CDK14: variants seen among roughly 807,000 people sequenced by gnomAD.
CDK14 encodes cyclin dependent kinase 14, also known as cyclin-dependent kinase 14.
Under a neutral mutation model 60.7 loss-of-function variants are expected in CDK14, and 34 were observed. The observed-to-expected ratio is 0.56, with a 90% confidence interval of 0.43 to 0.75. The LOEUF (loss-of-function observed/expected upper bound fraction) is 0.75, where lower values mean the gene tolerates loss of function less well. CDK14 is among the 30% of genes least tolerant of loss of function. The pLI, the probability that CDK14 is intolerant of heterozygous loss-of-function variation, is 0.00. For missense variants in CDK14, 482 were observed against 564.1 expected, an observed-to-expected ratio of 0.85 and a Z score of 1.47; for synonymous variants, 197 against 203.7, an observed-to-expected ratio of 0.97 and a Z score of 0.28.
At chr7:90,851,825 A>G (rs1047614659) in intron 5 of CDK14, among the ~76,000 whole-genome samples, 5 of 150,292 alleles carry the variant, frequency 3.3e-5, no homozygotes, top group Non-Finnish European at 7.4e-5. Flanking sequence ...TAATTTATTT[A>G]TTATTATTAT....
intron 5 of CDK14, among the ~76,000 whole-genome samples, chr7:90,831,161 T>C (rs972459156): frequency 1.3e-5 from 2 of 152,184 alleles, no homozygotes; most frequent in Non-Finnish European, 2.9e-5. Flanking sequence ...ATTAGTTCAT[T>C]TTCACACTGC....
At chr7:90,868,461 A>G (rs1410940559) in intron 6 of CDK14, among the ~76,000 whole-genome samples, 1 of 152,030 alleles carries the variant, frequency 6.6e-6, no homozygotes, top group Non-Finnish European at 1.5e-5. Context: ...TCATTTGCAT[A>G]TCAGTCATAC....
chr7:90,887,955 A>G (rs1792002249), intron 6 of CDK14, among the ~76,000 whole-genome samples: 1 of 152,162 alleles, frequency 6.6e-6, no homozygotes, highest in African/African-American at 2.4e-5. Context: ...AAGAGTTTGA[A>G]AATTATGATT....
intron 13 of CDK14, among the ~76,000 whole-genome samples, chr7:91,113,806 A>G (rs539440350): frequency 1.3e-5 from 2 of 152,146 alleles, no homozygotes; most frequent in East Asian, 1.9e-4. Context: ...GGGTATTTCT[A>G]TCCTAAATCT....
intron 2 of CDK14, among the ~76,000 whole-genome samples, chr7:90,649,382 CTTCCTTCCTTCCTTCTTTCTTTCT>C (rs1800567907): frequency 6.8e-5 from 4 of 59,118 alleles, no homozygotes; most frequent in African/African-American, 3.2e-4. Flanking sequence ...TCCTTCCTTC[CTTCCTTCCTTCCTTCTTTCTTTCT>C]TTCTTTCTTT....
At chr7:90,914,588 T>C (rs980679513) in intron 7 of CDK14, among the ~76,000 whole-genome samples, 7 of 152,208 alleles carry the variant, frequency 4.6e-5, no homozygotes, top group African/African-American at 1.7e-4. Flanking sequence ...GCTGTATTTG[T>C]CATGTTTGGG....
At chr7:90,959,409 G>T (rs1794531865) in intron 9 of CDK14, among the ~76,000 whole-genome samples, 2 of 152,112 alleles carry the variant, frequency 1.3e-5, no homozygotes, top group Non-Finnish European at 2.9e-5. Context: ...TTTCCAGTTA[G>T]AAGTTCACAG....
intron 14 of CDK14, among the ~76,000 whole-genome samples, chr7:91,189,787 T>C (rs1485066489): frequency 6.6e-6 from 1 of 152,258 alleles, no homozygotes; most frequent in Non-Finnish European, 1.5e-5. Flanking sequence ...TGTTCTACTG[T>C]GTTTCAAAAA....
intron 4 of CDK14, among the ~76,000 whole-genome samples, chr7:90,754,980 G>A (rs1232848514): frequency 6.6e-6 from 1 of 152,158 alleles, no homozygotes; most frequent in Non-Finnish European, 1.5e-5. Context: ...TGGGAAGGCT[G>A]TGTAGAAAAG....
At chr7:91,138,994 C>T (rs1416387293) in intron 14 of CDK14, among the ~76,000 whole-genome samples, 2 of 152,116 alleles carry the variant, frequency 1.3e-5, no homozygotes, top group Non-Finnish European at 2.9e-5. Flanking sequence ...CAATAACAAG[C>T]AGACATCATT....
chr7:91,054,155 C>T (rs1397094493), intron 11 of CDK14, among the ~76,000 whole-genome samples: 2 of 143,536 alleles, frequency 1.4e-5, no homozygotes, highest in Admixed American at 1.4e-4. Context: ...TCCTTTCCCA[C>T]TTACTCTTTA....
chr7:90,698,514 C>T (rs1384398851), intron 2 of CDK14, among the ~76,000 whole-genome samples: 2 of 152,080 alleles, frequency 1.3e-5, no homozygotes, highest in Non-Finnish European at 2.9e-5. Flanking sequence ...AATAAGAAAA[C>T]CAATTATTTG....
At chr7:90,902,655 A>G (rs930733153) in intron 7 of CDK14, among the ~76,000 whole-genome samples, 14 of 152,180 alleles carry the variant, frequency 9.2e-5, no homozygotes, top group African/African-American at 3.4e-4. Context: ...GAACTCATGC[A>G]AGAAAACATG....
intron 2 of CDK14, among the ~76,000 whole-genome samples, chr7:90,688,216 T>C (rs1481906291): frequency 1.3e-5 from 2 of 152,154 alleles, no homozygotes; most frequent in Non-Finnish European, 2.9e-5. Flanking sequence ...AAAATGATTG[T>C]TTCAGAGATT....
At chr7:90,856,263 A>C (rs967946062) in intron 5 of CDK14, among the ~76,000 whole-genome samples, 4 of 152,198 alleles carry the variant, frequency 2.6e-5, no homozygotes, top group Non-Finnish European at 2.9e-5. Flanking sequence ...AGAGTTGGCT[A>C]TGACCTCTTT....
At chr7:90,724,656 GCTTT>G (rs1802572265) in intron 2 of CDK14, among the ~76,000 whole-genome samples, 1 of 151,672 alleles carries the variant, frequency 6.6e-6, no homozygotes, top group Non-Finnish European at 1.5e-5. Flanking sequence ...AGTCCAAGAT[GCTTT>G]CTAATTGCCT....
chr7:90,834,443 G>A (rs1025475235), intron 5 of CDK14, among the ~76,000 whole-genome samples: 1 of 152,178 alleles, frequency 6.6e-6, no homozygotes, highest in Non-Finnish European at 1.5e-5. Flanking sequence ...ATCAGATAAA[G>A]TAGGGCCTTG....
intron 12 of CDK14, among the ~76,000 whole-genome samples, chr7:91,091,362 A>G (rs1798807208): frequency 6.9e-6 from 1 of 144,834 alleles, no homozygotes; most frequent in Admixed American, 7.0e-5. Flanking sequence ...TAAATTATAT[A>G]TACATATATA....
chr7:91,008,156 A>AG, intron 10 of CDK14, among the ~76,000 whole-genome samples: 1 of 151,322 alleles, frequency 6.6e-6, no homozygotes, highest in Non-Finnish European at 1.5e-5. Flanking sequence ...CAAACAAAAA[A>AG]AAACAGTGGA....
Sources: gnomAD v4.1 joint callset for allele counts (sites outside exome capture counted in the v4.1 genomes callset) on GRCh38, gnomAD v4.1.1 for gene constraint, MANE v1.5 for transcripts, NCBI Gene and HGNC (gene_info 2026-07-23, HGNC 2026-07-21) for gene names.